The following DLG2 variants were observed in gnomAD, a reference collection of about 807,000 sequenced individuals.
DLG2 encodes the protein disks large homolog 2.
DLG2 carries 45 observed loss-of-function variants against 132.5 expected under a neutral mutation model. The ratio of observed to expected loss-of-function variants is 0.34; its 90% CI spans 0.27 to 0.44. The LOEUF is 0.44. DLG2 is among the 20% of genes least tolerant of loss of function. DLG2 has a pLI of 1.00. For missense variants in DLG2, 1,045 were observed against 1,196.9 expected (o/e 0.87, Z 1.87); for synonymous variants, 424 against 419.6 (o/e 1.01, Z -0.13).
chr11:83,627,522 G>A (rs1383174244), intron 19 of DLG2, among the ~76,000 whole-genome samples: 3 of 152,126 alleles, frequency 2.0e-5, no homozygotes, highest in African/African-American at 7.2e-5. Flanking sequence ...CTTCATCCAT[G>A]TCCCTACAAA....
chr11:84,116,466 T>C (rs776012555), intron 9 of DLG2, among the ~76,000 whole-genome samples: 8 of 152,174 alleles, frequency 5.3e-5, no homozygotes, highest in Admixed American at 2.6e-4. Flanking sequence ...CTCACGATCA[T>C]GGTGGAAGGT....
intron 3 of DLG2, among the ~76,000 whole-genome samples, chr11:85,468,125 T>C (rs181591496): frequency 6.4e-4 from 98 of 152,338 alleles, no homozygotes; most frequent in African/African-American, 2.2e-3. Flanking sequence ...TCTCTGATTG[T>C]AGTTTGTATT....
At chr11:84,414,515 C>A (rs1320670467) in intron 7 of DLG2, among the ~76,000 whole-genome samples, 1 of 152,110 alleles carries the variant, frequency 6.6e-6, no homozygotes, top group Admixed American at 6.6e-5. Context: ...AAATTCCATT[C>A]CGGTTTGTTT....
At chr11:85,025,507 C>T (rs1197800926) in intron 6 of DLG2, among the ~76,000 whole-genome samples, 1 of 152,128 alleles carries the variant, frequency 6.6e-6, no homozygotes, top group Non-Finnish European at 1.5e-5. Context: ...AATGATACAA[C>T]TTTATTGAAA....
chr11:85,463,484 C>T (rs184384985), intron 3 of DLG2, among the ~76,000 whole-genome samples: 3 of 152,126 alleles, frequency 2.0e-5, no homozygotes, highest in Admixed American at 6.6e-5. Context: ...GAATGAATTA[C>T]CAAAAAAACT....
chr11:83,503,236 G>A (rs143995558), intron 21 of DLG2, among the ~76,000 whole-genome samples: 14 of 151,082 alleles, frequency 9.3e-5, no homozygotes, highest in Middle Eastern at 3.4e-3. Flanking sequence ...AGAATAGGGA[G>A]CAAGATAGGG....
chr11:85,061,078 A>T (rs1418883503), intron 6 of DLG2, among the ~76,000 whole-genome samples: 1 of 150,968 alleles, frequency 6.6e-6, no homozygotes, highest in African/African-American at 2.4e-5. Context: ...CCATTTTTTA[A>T]TTTTTTTGCT....
intron 7 of DLG2, among the ~76,000 whole-genome samples, chr11:84,333,052 C>A (rs2098468351): frequency 6.6e-6 from 1 of 152,170 alleles, no homozygotes; most frequent in African/African-American, 2.4e-5. Flanking sequence ...TGTTCTAGCC[C>A]ACTTTTCAGA....
At chr11:84,045,849 G>A (rs954482218) in intron 11 of DLG2, among the ~76,000 whole-genome samples, 1 of 151,656 alleles carries the variant, frequency 6.6e-6, no homozygotes, top group Non-Finnish European at 1.5e-5. Context: ...GTCCTGAAAG[G>A]AGACTTGACA....
chr11:84,838,192 C>A (rs1330291587), intron 6 of DLG2, among the ~76,000 whole-genome samples: 1 of 151,410 alleles, frequency 6.6e-6, no homozygotes, highest in Non-Finnish European at 1.5e-5. Context: ...ATTTATATAC[C>A]TCAAATTACC....
intron 14 of DLG2, among the ~76,000 whole-genome samples, chr11:83,937,400 G>A (rs1002513803): frequency 7.9e-5 from 12 of 151,098 alleles, no homozygotes; most frequent in Non-Finnish European, 1.3e-4. Context: ...CCAGCTACTC[G>A]GGGAGGCTGA....
intron 5 of DLG2, among the ~76,000 whole-genome samples, chr11:85,141,177 T>C (rs1275176335): frequency 1.3e-5 from 2 of 151,910 alleles, no homozygotes; most frequent in Non-Finnish European, 2.9e-5. Context: ...TAATTTATAC[T>C]CCCATAAACA....
At chr11:85,365,481 T>C (rs1316193927) in intron 3 of DLG2, among the ~76,000 whole-genome samples, 2 of 152,172 alleles carry the variant, frequency 1.3e-5, no homozygotes, top group African/African-American at 2.4e-5. Flanking sequence ...GTATCTTCAA[T>C]TGAACCAGTA....
chr11:84,935,246 TTAAATA>T (rs1435290571), intron 6 of DLG2, among the ~76,000 whole-genome samples: 3 of 152,350 alleles, frequency 2.0e-5, no homozygotes, highest in East Asian at 1.9e-4. Context: ...AATGTTTTCC[TTAAATA>T]TATTCTTGAC....
chr11:85,460,269 G>A (rs1219697729), intron 3 of DLG2, among the ~76,000 whole-genome samples: 2 of 152,180 alleles, frequency 1.3e-5, no homozygotes, highest in Non-Finnish European at 1.5e-5. Flanking sequence ...GGATACCTAG[G>A]AATTCATGGC....
At chr11:84,432,134 T>C (rs183385925) in intron 7 of DLG2, among the ~76,000 whole-genome samples, 49 of 152,304 alleles carry the variant, frequency 3.2e-4, no homozygotes, top group African/African-American at 1.1e-3. Flanking sequence ...TCCTGGGCTT[T>C]AGAGGCCAAG....
In DLG2 at chr11:85,278,761, C is replaced by A. The variant is rs1364822272; in HGVS notation, c.186+6459G>T. Reference sequence around the variant, plus strand: ...TTTCTAAACCCACCCAGCTATGAAACCATCTCTAGTACTCTAGTAAAAATC... The same window carrying A: ...TTTCTAAACCCACCCAGCTATGAAAACATCTCTAGTACTCTAGTAAAAATC... On this transcript the variant is annotated intron_variant, in intron 4 of 27. Transcript: ENST00000376104. Among the ~76,000 whole-genome samples, 3 of 152,130 alleles carry A rather than the reference C, an allele frequency of 2.0e-5. No homozygotes were observed. In the East Asian group the frequency reaches 5.8e-4, roughly 29 times the overall value.
chr11:84,093,829 G>A (rs1188693415), intron 10 of DLG2, among the ~76,000 whole-genome samples: 7 of 151,852 alleles, frequency 4.6e-5, no homozygotes, highest in Admixed American at 3.9e-4. Flanking sequence ...TGGCCAGGCT[G>A]GTTTTGAACT....
At chr11:83,769,257 C>T (rs2153786212) in intron 18 of DLG2, among the ~76,000 whole-genome samples, 1 of 152,256 alleles carries the variant, frequency 6.6e-6, no homozygotes, top group South Asian at 2.1e-4. Flanking sequence ...TCAGCTTCTC[C>T]ACATGAACCT....
Sources: allele counts gnomAD v4.1 joint callset (sites outside exome capture counted in the v4.1 genomes callset), GRCh38; gene constraint gnomAD v4.1.1; transcripts MANE v1.5; gene names NCBI Gene and HGNC (gene_info 2026-07-23, HGNC 2026-07-21).